The following GRIK2 variants were observed in gnomAD, a reference collection of about 807,000 sequenced individuals.
The protein encoded by GRIK2 is glutamate ionotropic receptor kainate type subunit 2.
A neutral mutation model predicts 100.3 loss-of-function variants in GRIK2; 32 were observed. That is an observed-to-expected ratio of 0.32 (90% CI 0.24 to 0.43). GRIK2 has a LOEUF of 0.43. Among genes scored for constraint, GRIK2 ranks in the 20% least tolerant of loss-of-function variants. The pLI is 1.00. For missense variants in GRIK2, 843 were observed against 1,114.9 expected (o/e 0.76, Z 3.47); for synonymous variants, 417 against 389.4 (o/e 1.07, Z -0.83).
chr6:101,948,824 T>C (rs1173922826), intron 14 of GRIK2, among the ~76,000 whole-genome samples: 1 of 151,976 alleles, frequency 6.6e-6, no homozygotes, highest in South Asian at 2.1e-4. Context: ...TTCATTTATT[T>C]ATTAAAGAAA....
intron 2 of GRIK2, among the ~76,000 whole-genome samples, chr6:101,459,045 A>G (rs1771156481): frequency 6.6e-6 from 1 of 152,078 alleles, no homozygotes; most frequent in Non-Finnish European, 1.5e-5. Flanking sequence ...TGGGGGAAAA[A>G]TTCTCTGCTG....
At position 101,928,496 on chromosome 6, in the gene GRIK2, C is replaced by T. The variant is rs1263227396; in HGVS notation, c.1949C>T (p.Ser650Leu). 1.9e-6 allele frequency: 3 copies of T among 1,604,712 alleles called. No individual in the cohort carries two copies. Among genetic ancestry groups the T allele is most frequent in the Non-Finnish European group, 2.6e-6 (3 of 1,171,442 alleles). The change falls in exon 14 of 17, where the codon TCG (serine) becomes TTG (leucine). Residue 650 changes from serine (S) to leucine (L), a missense_variant. By Grantham distance (145) the Ser-to-Leu change is moderately radical. Transcript: ENST00000369134. ...WWFFTLIIIS[S>L]YTANLAAFLT... ...TTTTTCACACTTATCATCATTTCTTCGTATACTGCTAACTTAGCCGCCTTT... is the reference window on the plus strand; with the variant it reads ...TTTTTCACACTTATCATCATTTCTTTGTATACTGCTAACTTAGCCGCCTTT...
chr6:101,843,897 C>T (rs907015117), intron 10 of GRIK2, among the ~76,000 whole-genome samples: 1 of 152,146 alleles, frequency 6.6e-6, no homozygotes, highest in Non-Finnish European at 1.5e-5. Flanking sequence ...TTGGCATATA[C>T]TTACCTATTT....
At chr6:101,599,996 T>G (rs1269943717) in intron 2 of GRIK2, among the ~76,000 whole-genome samples, 4 of 151,824 alleles carry the variant, frequency 2.6e-5, no homozygotes, top group Non-Finnish European at 5.9e-5. Flanking sequence ...TCCAGAATGA[T>G]GTTACCTAGG....
At chr6:101,400,359 G>A (rs1437798381) in intron 2 of GRIK2, among the ~76,000 whole-genome samples, 1 of 152,202 alleles carries the variant, frequency 6.6e-6, no homozygotes, top group Non-Finnish European at 1.5e-5. Context: ...TGAAGCGTGG[G>A]CGATGCTCAG....
chr6:101,631,100 G>T (rs990627296), intron 4 of GRIK2, among the ~76,000 whole-genome samples: 1 of 152,074 alleles, frequency 6.6e-6, no homozygotes, highest in African/African-American at 2.4e-5. Flanking sequence ...ATTTGTTGTT[G>T]TCATGGATGA....
At chr6:101,670,978 C>T (rs1271261042) in intron 4 of GRIK2, among the ~76,000 whole-genome samples, 2 of 152,168 alleles carry the variant, frequency 1.3e-5, no homozygotes, top group African/African-American at 4.8e-5. Context: ...TCAAACCCAA[C>T]ACCCCAGCTA....
intron 7 of GRIK2, among the ~76,000 whole-genome samples, chr6:101,692,582 CT>C (rs1772187460): frequency 6.6e-6 from 1 of 151,970 alleles, no homozygotes; most frequent in African/African-American, 2.4e-5. Context: ...TTGATTGCTT[CT>C]TAATTTTGTA....
chr6:101,680,436 T>C (rs946030223), intron 5 of GRIK2, among the ~76,000 whole-genome samples: 2 of 152,192 alleles, frequency 1.3e-5, no homozygotes, highest in Non-Finnish European at 2.9e-5. Flanking sequence ...CTGGAGTCCA[T>C]GTTTACTCAC....
chr6:101,427,778 T>TAGTC (rs1769122348), intron 2 of GRIK2, among the ~76,000 whole-genome samples: 1 of 152,218 alleles, frequency 6.6e-6, no homozygotes, highest in African/African-American at 2.4e-5. Flanking sequence ...ATTCTGTGTT[T>TAGTC]AGTCAGTCTG....
intron 16 of GRIK2, 41 bp from the exon 17 acceptor site, chr6:102,068,306 A>G: frequency 7.1e-7 from 1 of 1,407,674 alleles, no homozygotes; most frequent in South Asian, 1.2e-5. Context: ...GTTACAGTTT[A>G]TGTATCTTGT....
At chr6:101,785,907 G>A (rs1200457732) in intron 7 of GRIK2, among the ~76,000 whole-genome samples, 1 of 151,930 alleles carries the variant, frequency 6.6e-6, no homozygotes, top group East Asian at 1.9e-4. Flanking sequence ...AGATTGTTTT[G>A]GGTAGTATGG....
chr6:101,814,687 AT>A (rs1781529791), intron 9 of GRIK2, among the ~76,000 whole-genome samples: 1 of 152,154 alleles, frequency 6.6e-6, no homozygotes, highest in Non-Finnish European at 1.5e-5. Context: ...AGTCATTCTA[AT>A]TCTAGAAATC....
chr6:101,730,097 G>C lies in GRIK2; in HGVS notation c.951+43744G>C, dbSNP rs1195917259. Among the ~76,000 whole-genome samples, 7 of 151,820 alleles carry C rather than the reference G, an allele frequency of 4.6e-5. No homozygotes were observed. In the South Asian group the frequency reaches 1.4e-3, roughly 31 times the overall value. On this transcript the variant is annotated intron_variant, in intron 7 of 16. Coordinates refer to ENST00000369134, the MANE Select transcript of GRIK2 (RefSeq NM_021956.5). ...GAATGAACCAGGCTGTCTTTTATTA[G>C]CTTATTTTTCATTTCATTAGAGAAA... is the stretch of plus-strand genomic sequence containing the variant.
At chr6:101,606,068 T>C (rs554687048) in intron 2 of GRIK2, among the ~76,000 whole-genome samples, 4 of 152,028 alleles carry the variant, frequency 2.6e-5, no homozygotes, top group Admixed American at 2.0e-4. Flanking sequence ...CAGTGGAAAT[T>C]TGATCACAGA....
intron 7 of GRIK2, among the ~76,000 whole-genome samples, chr6:101,718,942 G>C (rs1201823092): frequency 6.6e-6 from 1 of 151,786 alleles, no homozygotes; most frequent in Non-Finnish European, 1.5e-5. Flanking sequence ...ATGGAGAAAA[G>C]TTTCTGCAAT....
At chr6:101,898,348 A>G (rs1285956114) in intron 12 of GRIK2, among the ~76,000 whole-genome samples, 1 of 151,942 alleles carries the variant, frequency 6.6e-6, no homozygotes, top group Non-Finnish European at 1.5e-5. Context: ...CTATCATGTT[A>G]ACTTTACCTT....
At chr6:101,922,122 T>TCCTTCCTTCCTC (rs1789581683) in intron 12 of GRIK2, among the ~76,000 whole-genome samples, 1 of 16,020 alleles carries the variant, frequency 6.2e-5, no homozygotes, top group Non-Finnish European at 1.4e-4. Flanking sequence ...CTTCCTTCCT[T>TCCTTCCTTCCTC]CCTTCCTTCC....
chr6:101,677,186 T>C (rs1221630818), intron 5 of GRIK2, among the ~76,000 whole-genome samples: 1 of 152,126 alleles, frequency 6.6e-6, no homozygotes, highest in Non-Finnish European at 1.5e-5. Flanking sequence ...AGATTTACCA[T>C]TTACCTGATA....
Sources: allele counts gnomAD v4.1 joint callset (sites outside exome capture counted in the v4.1 genomes callset), GRCh38; gene constraint gnomAD v4.1.1; transcripts MANE v1.5; gene names NCBI Gene and HGNC (gene_info 2026-07-23, HGNC 2026-07-21).